MYB: variants seen among roughly 807,000 people sequenced by gnomAD.
The protein encoded by MYB is transcriptional activator Myb.
A neutral mutation model predicts 92.9 loss-of-function variants in MYB; 28 were observed. The observed-to-expected ratio is 0.30, with a 90% CI of 0.22 to 0.41. MYB has a LOEUF of 0.41. Ranked by LOEUF, MYB falls within the 10% of genes least tolerant of loss-of-function variation. The pLI is 1.00. For missense variants in MYB, 679 were observed against 929.3 expected (o/e 0.73, Z 3.50); for synonymous variants, 295 against 329.1 (o/e 0.90, Z 1.12).
Position 135,193,934 on chromosome 6 carries a change from A to C in MYB, c.843+16A>C. 2 of 1,571,932 alleles carry C rather than the reference A, an allele frequency of 1.3e-6. No individual in the cohort carries two copies. The highest frequency in any genetic ancestry group is 1.8e-6 in the Non-Finnish European group (2 of 1,141,850). On this transcript the variant is annotated intron_variant, in intron 7 of 15. Transcript: ENST00000341911. ...AGCCATTCAGGTAAGATCATTGATC[A>C]TTCACTGTTCAAAGCACCACTTTTA... is the stretch of plus-strand genomic sequence containing the variant.
intron 15 of MYB, among the ~76,000 whole-genome samples, chr6:135,215,369 C>G (rs1319174514): frequency 6.6e-6 from 1 of 152,194 alleles, no homozygotes; most frequent in Non-Finnish European, 1.5e-5. Context: ...CTGATAAGAA[C>G]TCGAATTAGA....
Position 135,195,862 on chromosome 6 carries a change from C to T in MYB, c.1063C>T (p.Pro355Ser), listed in dbSNP as rs1777226700. ...CTGTTTGGGAGAACACCACTCCACT[C>T]CATCTCTGCCAGCGGATCCTGGCTC... Reference protein sequence around the residue: ...VSCLGEHHSTPSLPADPGSLP... With the variant: ...VSCLGEHHSTSSLPADPGSLP... Residue 355 changes from proline (P) to serine (S), a missense_variant, in exon 9 of 16, where the codon CCA becomes TCA. Pro to Ser is a moderately conservative substitution (Grantham distance 74). Around this residue, in one of 8 missense-constraint regions of MYB, gnomAD observed 56 missense variants for 55.8 expected, o/e 1.00. Coordinates refer to ENST00000341911, the MANE Select transcript of MYB (RefSeq NM_001130173.2). The T allele has an allele frequency of 1.2e-6, 2 of 1,614,180 alleles. No individual in the cohort carries two copies. The highest frequency in any genetic ancestry group is 1.3e-5 in the African/African-American group (1 of 75,036).
Position 135,185,899 on chromosome 6 carries a change from G to A in MYB, c.24-4G>A. The A allele has an allele frequency of 1.9e-6, 3 of 1,609,414 alleles. No individual in the cohort carries two copies. The highest frequency in any genetic ancestry group is 2.6e-6 in the Non-Finnish European group (3 of 1,176,006). On this transcript the variant is annotated splice_region_variant and splice_polypyrimidine_tract_variant and intron_variant, in intron 1 of 15. Coordinates refer to ENST00000341911, the MANE Select transcript of MYB (RefSeq NM_001130173.2). ...CCCACGTCTACCCATTCTTATTTCT[G>A]CAGCATATATAGCAGTGACGAGGAT...
At position 135,212,224 on chromosome 6, in the gene MYB, C is replaced by CTTTTTTTTTTTTTTTTTTTTTTTTTTTT. The variant is rs545704827; in HGVS notation, c.2170-5634_2170-5607dup. 1.5e-4 allele frequency among the ~76,000 whole-genome samples: 5 copies of CTTTTTTTTTTTTTTTTTTTTTTTTTTTT among 32,886 alleles called. 1 individual carries two copies. The highest frequency in any genetic ancestry group is 2.7e-4 in the Non-Finnish European group (5 of 18,714). The allele number at this position is 32,886 out of a possible 152,430, so 21.6% of individuals were successfully genotyped here. A position where few individuals can be genotyped will look rare whatever the true frequency, so the allele number is the denominator to read the frequency against. On this transcript the variant is annotated intron_variant, in intron 15 of 15. Coordinates refer to ENST00000341911, the MANE Select transcript of MYB (RefSeq NM_001130173.2). ...CATCTGATGAGTTGCTTTGGTTTTACTTTTTTTTTTTTTTTTTTTTTTTTT... is the reference window on the plus strand; with the variant it reads ...CATCTGATGAGTTGCTTTGGTTTTACTTTTTTTTTTTTTTTTTTTTTTTTTTTTTTTTTTTTTTTTTTTTTTTTTTTTT...
chr6:135,195,355 CT>C, intron 8 of MYB: 3 of 155,926 alleles, frequency 1.9e-5, no homozygotes, highest in Non-Finnish European at 4.0e-5. Context: ...CTCCTGAGTC[CT>C]CTAGCTTTTT....
At chr6:135,215,225 C>G (rs1780273348) in intron 15 of MYB, among the ~76,000 whole-genome samples, 1 of 152,226 alleles carries the variant, frequency 6.6e-6, no homozygotes, top group Non-Finnish European at 1.5e-5. Flanking sequence ...CCACTGTACC[C>G]ATACCTTGTT....
At chr6:135,209,807 T>TTTG (rs1289151249) in intron 15 of MYB, among the ~76,000 whole-genome samples, 1 of 152,258 alleles carries the variant, frequency 6.6e-6, no homozygotes, top group Non-Finnish European at 1.5e-5. Flanking sequence ...GTTTTTCATA[T>TTTG]TTGTGTCTTT....
intron 11 of MYB, chr6:135,199,549 A>G: frequency 9.3e-7 from 1 of 1,078,318 alleles, no homozygotes; most frequent in Non-Finnish European, 1.1e-6. Context: ...TGACATCCCC[A>G]GGAATATTAT....
chr6:135,200,562 T>G (rs774942573), intron 13 of MYB, 147 bp downstream of exon 13: 5 of 1,162,272 alleles, frequency 4.3e-6, no homozygotes, highest in Non-Finnish European at 5.0e-6. Context: ...GAAAAGGTAC[T>G]GCCAGACTGT....
chr6:135,201,536 G>C (rs898789238), intron 13 of MYB, 103 bp from the exon 14 acceptor site: 11 of 652,212 alleles, frequency 1.7e-5, no homozygotes, highest in Middle Eastern at 2.7e-4. Context: ...TAGCAACATA[G>C]TTTTATAAAA....
intron 15 of MYB, among the ~76,000 whole-genome samples, chr6:135,210,594 G>A (rs959812736): frequency 2.6e-5 from 4 of 152,060 alleles, no homozygotes; most frequent in African/African-American, 9.7e-5. Context: ...TTGCCTGATA[G>A]GCACTGCTGA....
chr6:135,195,137 C>A, intron 8 of MYB: 1 of 1,208,988 alleles, frequency 8.3e-7, no homozygotes, highest in South Asian at 1.4e-5. Flanking sequence ...TGTTTATGTG[C>A]ACATGCTAGT....
chr6:135,187,775 C>A, intron 2 of MYB, 59 bp from the exon 3 acceptor site: 1 of 1,193,246 alleles, frequency 8.4e-7, no homozygotes, highest in Non-Finnish European at 1.2e-6. Context: ...TTCACTTTAA[C>A]TTGAACAGAG....
intron 15 of MYB, among the ~76,000 whole-genome samples, chr6:135,210,674 G>T (rs1779585366): frequency 1.3e-5 from 2 of 152,326 alleles, no homozygotes; most frequent in South Asian, 4.1e-4. Flanking sequence ...TTTTCAAACG[G>T]CATGACTTTA....
chr6:135,184,246 C>G (rs1434680344), intron 1 of MYB, among the ~76,000 whole-genome samples: 2 of 150,630 alleles, frequency 1.3e-5, no homozygotes, highest in Non-Finnish European at 2.9e-5. Context: ...TCACAAGGGA[C>G]TGCATTTGGG....
intron 13 of MYB, chr6:135,200,738 A>G (rs905056641): frequency 3.2e-6 from 1 of 316,308 alleles, no homozygotes; most frequent in South Asian, 3.0e-5. Context: ...TTAGATGTGA[A>G]GAATTGGAAT....
Position 135,190,138 on chromosome 6 carries a change from T to G in MYB, c.318T>G (p.Leu106=), listed in dbSNP as rs977356125. 6.2e-7 allele frequency: 1 copy of G among 1,614,042 alleles called. No individual in the cohort carries two copies. Among genetic ancestry groups the G allele is most frequent in the African/African-American group, 1.3e-5 (1 of 74,936 alleles). Residue 106 remains leucine (L), a synonymous_variant, in exon 5 of 16, where the codon CTT becomes CTG. Transcript: ENST00000341911. This position sits in a 1 kb window ranked among gnomAD's most constrained non-coding sequence, Gnocchi z 4.5. ...GTGTTTATCTGAAGGTGATAGAGCTTGTACAGAAATACGGTCCGAAACGTT... is the reference window on the plus strand; with the variant it reads ...GTGTTTATCTGAAGGTGATAGAGCTGGTACAGAAATACGGTCCGAAACGTT... ...TKEEDQRVIE[L]VQKYGPKRWS... is the part of the protein sequence containing the mutation.
chr6:135,204,453 C>G (rs767128307), intron 15 of MYB, among the ~76,000 whole-genome samples: 1 of 152,098 alleles, frequency 6.6e-6, no homozygotes, highest in African/African-American at 2.4e-5. Context: ...TGTGAGCCAC[C>G]GGCAACCCAG....
chr6:135,202,957 G>T lies in MYB; in HGVS notation c.2062-260G>T, dbSNP rs1346989582. On this transcript the variant is annotated intron_variant, in intron 14 of 15. Transcript: ENST00000341911. ...TTAATTCATTTAGCAGATGTTTTTTGAGTGCCTAACACATGCCTAGAACTC... is the reference window on the plus strand; with the variant it reads ...TTAATTCATTTAGCAGATGTTTTTTTAGTGCCTAACACATGCCTAGAACTC... 5 of 681,300 alleles carry T rather than the reference G, an allele frequency of 7.3e-6. No homozygotes were observed. The South Asian group carries it at 7.5e-5, about 10-fold the overall frequency. 42.2% of individuals were successfully genotyped at this position (681,300 alleles called of 1,614,324 possible). A position where few individuals can be genotyped will look rare whatever the true frequency, so the allele number is the denominator to read the frequency against.
Sources: allele counts gnomAD v4.1 joint callset (sites outside exome capture counted in the v4.1 genomes callset), GRCh38; gene constraint gnomAD v4.1.1; regional missense constraint gnomAD v4.1.1; non-coding constraint Gnocchi (gnomAD v3.1); transcripts MANE v1.5; gene names NCBI Gene and HGNC (gene_info 2026-07-23, HGNC 2026-07-21).